The following MYO18A variants were observed in gnomAD, a reference collection of about 807,000 sequenced individuals.
MYO18A encodes the protein myosin XVIIIA, also known as unconventional myosin-XVIIIa.
MYO18A carries 78 observed loss-of-function variants against 235.8 expected under a neutral mutation model. That is an observed-to-expected ratio of 0.33 (90% CI 0.28 to 0.40). MYO18A has a LOEUF of 0.40. Ranked by LOEUF, MYO18A falls within the 10% of genes least tolerant of loss-of-function variation. The pLI is 1.00. For synonymous variants in MYO18A, 977 were observed against 1,077.8 expected (o/e 0.91, Z 1.83); for missense variants, 2,215 against 2,699.3 (o/e 0.82, Z 3.98).
At chr17:29,119,166 T>C (rs2067140408) in intron 8 of MYO18A, among the ~76,000 whole-genome samples, 169 bp downstream of exon 8, 1 of 152,152 alleles carries the variant, frequency 6.6e-6, no homozygotes, top group South Asian at 2.1e-4. Context: ...CTCATCCATC[T>C]CACTGTCCCT....
At chr17:29,147,798 G>A (rs2067879184) in intron 2 of MYO18A, among the ~76,000 whole-genome samples, 1 of 150,840 alleles carries the variant, frequency 6.6e-6, no homozygotes, top group African/African-American at 2.4e-5. Flanking sequence ...TTCAGAGGCT[G>A]AGGTGGGAGG....
rs561401473 is a variant in MYO18A at position 29,127,815 on chromosome 17, G to T, written c.1000-5562C>A. On this transcript the variant is annotated intron_variant, in intron 2 of 41. Coordinates refer to ENST00000527372, the MANE Select transcript of MYO18A (RefSeq NM_078471.4). Reference sequence around the variant, plus strand: ...GGTGCCTGGCCCTTGAGCTAGGGTGGTGAGGGGCAGGAGCGGTTAGTGACA... The same window carrying T: ...GGTGCCTGGCCCTTGAGCTAGGGTGTTGAGGGGCAGGAGCGGTTAGTGACA... 7.2e-5 allele frequency: 70 copies of T among 976,316 alleles called. No individual in the cohort carries two copies. The African/African-American group carries it at 1.1e-3, about 16-fold the overall frequency. 60.5% of individuals were successfully genotyped at this position (976,316 alleles called of 1,614,324 possible). A position where few individuals can be genotyped will look rare whatever the true frequency, so the allele number is the denominator to read the frequency against.
At chr17:29,097,953 C>A (rs1037817102) in intron 25 of MYO18A, 54 bp from the exon 26 acceptor site, 3 of 1,579,096 alleles carry the variant, frequency 1.9e-6, no homozygotes, top group South Asian at 2.3e-5. Context: ...TACCCACTCC[C>A]CGAACCACAC....
At chr17:29,145,515 C>T (rs1290951973) in intron 2 of MYO18A, among the ~76,000 whole-genome samples, 3 of 152,130 alleles carry the variant, frequency 2.0e-5, no homozygotes, top group Admixed American at 1.3e-4. Flanking sequence ...TACCTCAAGG[C>T]GAACACTGTG....
chr17:29,092,894 A>G lies in MYO18A; in HGVS notation c.5034T>C (p.Ser1678=). ...AQLMLDHLKN[S]APSKREIAQL... is the part of the protein sequence containing the mutation. ...GGGCAATCTCTCGCTTGCTGGGAGC[A>G]CTGTTCTTCAGGTGGTCCAGCATGA... The change falls in exon 33 of 42, where the codon AGT becomes AGC. Residue 1678 remains serine (S), a synonymous_variant. Transcript: ENST00000527372. 6.2e-7 allele frequency: 1 copy of G among 1,613,918 alleles called. No individual in the cohort carries two copies. The highest frequency in any genetic ancestry group is 8.5e-7 in the Non-Finnish European group (1 of 1,179,868).
rs988986149 is a variant in MYO18A at position 29,073,457 on chromosome 17, C to G, written c.*1313G>C. ...CCATCAGAATCCTGCCTCTGCCCAC[C>G]ACCCCCAGGACCAATCCAGACTTTG... On this transcript the variant is annotated 3_prime_UTR_variant, in exon 42 of 42. Coordinates refer to ENST00000527372, the MANE Select transcript of MYO18A (RefSeq NM_078471.4). 2 of 166,118 alleles carry G rather than the reference C, an allele frequency of 1.2e-5. No individual in the cohort carries two copies. Among genetic ancestry groups the G allele is most frequent in the Admixed American group, 6.1e-5 (1 of 16,450 alleles). 10.3% of individuals were successfully genotyped at this position (166,118 alleles called of 1,614,324 possible). A position where few individuals can be genotyped will look rare whatever the true frequency, so the allele number is the denominator to read the frequency against.
Position 29,073,646 on chromosome 17 carries a change from G to A in MYO18A, c.*1124C>T, listed in dbSNP as rs2065913007. ...GGGAGCAGCACCAGGCACTGCACTT[G>A]GGCTCCCAAGTCTGGTGGAGTTCTC... On this transcript the variant is annotated 3_prime_UTR_variant, in exon 42 of 42. Coordinates refer to ENST00000527372, the MANE Select transcript of MYO18A (RefSeq NM_078471.4). 5.0e-5 allele frequency: 28 copies of A among 562,838 alleles called. 1 individual carries two copies. In the South Asian group the frequency reaches 7.5e-4, roughly 15 times the overall value. The allele number at this position is 562,838 out of a possible 1,614,324, so 34.9% of individuals were successfully genotyped here.
At chr17:29,169,979 C>T (rs917699380) in intron 1 of MYO18A, among the ~76,000 whole-genome samples, 1 of 152,136 alleles carries the variant, frequency 6.6e-6, no homozygotes, top group Non-Finnish European at 1.5e-5. Context: ...GGACAGCAGA[C>T]GGTCACAGCA....
At chr17:29,091,235 T>C in intron 34 of MYO18A, 1 of 357,732 alleles carries the variant, frequency 2.8e-6, no homozygotes, top group Non-Finnish European at 5.3e-6. Context: ...TGACCCATCA[T>C]CCTGGCACTA....
At position 29,074,699 on chromosome 17, in the gene MYO18A, C is replaced by T. The variant is rs1401292930; in HGVS notation, c.*71G>A. ...TCGGGTGGGGGAGACCGGTGCCCCA[C>T]CACTTCCTGGGAGAGGTGCCCAGGC... On this transcript the variant is annotated 3_prime_UTR_variant, in exon 42 of 42. Transcript: ENST00000527372. The surrounding 1 kb of genome is among the most constrained non-coding windows in gnomAD (Gnocchi z 4.4). 6.4e-7 allele frequency: 1 copy of T among 1,561,908 alleles called. No homozygotes were observed. Among genetic ancestry groups the T allele is most frequent in the African/African-American group, 1.4e-5 (1 of 74,004 alleles).
chr17:29,167,943 C>T (rs892306182), intron 1 of MYO18A, among the ~76,000 whole-genome samples: 4 of 152,206 alleles, frequency 2.6e-5, no homozygotes, highest in Non-Finnish European at 5.9e-5. Context: ...GCACTATCTC[C>T]TCTGAACCTC....
chr17:29,122,812 C>T (rs1177148531), intron 2 of MYO18A, among the ~76,000 whole-genome samples: 1 of 152,252 alleles, frequency 6.6e-6, no homozygotes, highest in Non-Finnish European at 1.5e-5. Flanking sequence ...GAGCCCTGGC[C>T]TCAGCCCTGG....
rs1409162086 is a variant in MYO18A at position 29,072,190 on chromosome 17, T to C, written c.*2580A>G. 1 of 136,122 alleles carries C rather than the reference T, an allele frequency of 7.3e-6. No homozygotes were observed. Among genetic ancestry groups the C allele is most frequent in the Non-Finnish European group, 1.6e-5 (1 of 64,352 alleles). The allele number at this position is 136,122 out of a possible 1,614,324, so 8.4% of individuals were successfully genotyped here. ...AAGATGAGAGTGACAGAACTGAACA[T>C]AAGCTAGCAGCCTTTTTTTTTTTTT... is the stretch of plus-strand genomic sequence containing the variant. On this transcript the variant is annotated 3_prime_UTR_variant, in exon 42 of 42. Transcript: ENST00000527372.
chr17:29,134,677 C>T (rs958523828), intron 2 of MYO18A, among the ~76,000 whole-genome samples: 1 of 152,088 alleles, frequency 6.6e-6, no homozygotes, highest in Admixed American at 6.5e-5. Flanking sequence ...CGCCCGCTAC[C>T]ACGCCCGGCT....
intron 34 of MYO18A, chr17:29,091,189 C>A: frequency 2.1e-6 from 1 of 466,360 alleles, no homozygotes; most frequent in East Asian, 3.8e-5. Context: ...TCCTTTGAGG[C>A]TAATGAGAAG....
In MYO18A at chr17:29,087,075, T is replaced by G. The variant is rs527310986; in HGVS notation, c.5573A>C (p.Glu1858Ala). ...CTCGGCTGCAATGCGCTGATCCCGC[T>G]CCTCAGTCAGCTTCTCCATGTTTTC... The part of the protein sequence containing the change: ...LKENMEKLTE[E>A]RDQRIAAENR... The change falls in exon 38 of 42, where the codon GAG (glutamate) becomes GCG (alanine). Residue 1858 changes from glutamate (E) to alanine (A), a missense_variant. Physicochemically the swap from Glu to Ala is moderately radical, Grantham distance 107. Coordinates refer to ENST00000527372, the MANE Select transcript of MYO18A (RefSeq NM_078471.4). The G allele has an allele frequency of 1.2e-6, 2 of 1,613,926 alleles. No homozygotes were observed. The highest frequency in any genetic ancestry group is 2.2e-5 in the South Asian group (2 of 91,082).
chr17:29,099,607 G>C (rs189137014), intron 22 of MYO18A, 27 bp downstream of exon 22: 9 of 1,606,340 alleles, frequency 5.6e-6, no homozygotes, highest in Middle Eastern at 1.7e-4. Context: ...AGGTTGGGGA[G>C]GGGGAGGGAT....
intron 2 of MYO18A, among the ~76,000 whole-genome samples, chr17:29,153,209 T>C (rs1209793920): frequency 2.0e-5 from 3 of 152,220 alleles, no homozygotes; most frequent in African/African-American, 4.8e-5. Context: ...TGCAGCAAAC[T>C]CCTGGGCTCA....
chr17:29,078,011 C>T (rs1045107688), intron 41 of MYO18A: 1 of 152,044 alleles, frequency 6.6e-6, no homozygotes, highest in Admixed American at 6.6e-5. Context: ...CAAATATTGA[C>T]TCATATATAT....
Sources: gnomAD v4.1 joint callset for allele counts (sites outside exome capture counted in the v4.1 genomes callset) on GRCh38, gnomAD v4.1.1 for gene constraint, Gnocchi (gnomAD v3.1) non-coding constraint, MANE v1.5 for transcripts, NCBI Gene and HGNC (gene_info 2026-07-23, HGNC 2026-07-21) for gene names.